Variants in NECAB1 observed in about 807,000 individuals in gnomAD.
NECAB1 encodes the protein N-terminal EF-hand calcium binding protein 1.
In NECAB1, 29 loss-of-function variants were observed where a neutral mutation model predicts 57.5. The ratio of observed to expected loss-of-function variants is 0.50; its 90% CI spans 0.38 to 0.69. The LOEUF (loss-of-function observed/expected upper bound fraction) is 0.69, where lower values mean the gene tolerates loss of function less well. NECAB1 is among the 30% of genes least tolerant of loss of function. The probability of loss-of-function intolerance (pLI) is 0.00; values close to 1 mark genes in which losing one functional copy is unlikely to be tolerated. For synonymous variants in NECAB1, 142 were observed against 147.7 expected (o/e 0.96, Z 0.28); for missense variants, 372 against 413.8 (o/e 0.90, Z 0.88).
intron 3 of NECAB1, among the ~76,000 whole-genome samples, chr8:90,837,157 C>T (rs1812382266): frequency 6.6e-6 from 1 of 152,188 alleles, no homozygotes; most frequent in African/African-American, 2.4e-5. Context: ...GGGTAATGTG[C>T]TGATCGCAGG....
In NECAB1 at chr8:90,955,617, T is replaced by C; in HGVS notation, c.*105T>C. On this transcript the variant is annotated 3_prime_UTR_variant, in exon 13 of 13. Coordinates refer to ENST00000417640, the MANE Select transcript of NECAB1 (RefSeq NM_022351.5). The stretch of plus-strand genomic sequence containing the variant: ...CGGTTGTTAATCTACTGTATATTTT[T>C]GTTTGGTATATTTACTAAGTGCACT... 1 of 843,192 alleles carries C rather than the reference T, an allele frequency of 1.2e-6. No individual in the cohort carries two copies. The allele number at this position is 843,192 out of a possible 1,614,324, so 52.2% of individuals were successfully genotyped here. A position where few individuals can be genotyped will look rare whatever the true frequency, so the allele number is the denominator to read the frequency against.
At chr8:90,805,005 G>A (rs142925164) in intron 2 of NECAB1, among the ~76,000 whole-genome samples, 3 of 152,304 alleles carry the variant, frequency 2.0e-5, no homozygotes, top group Admixed American at 2.0e-4. Context: ...GCTACTGAAA[G>A]CTTGAGCTGT....
intron 3 of NECAB1, among the ~76,000 whole-genome samples, chr8:90,851,154 G>A (rs780920290): frequency 7.9e-5 from 12 of 152,302 alleles, no homozygotes; most frequent in Middle Eastern, 3.4e-3. Context: ...TGGTATACCC[G>A]AAGAGGGCAT....
intron 9 of NECAB1, among the ~76,000 whole-genome samples, chr8:90,937,377 C>T (rs142856041): frequency 4.5e-4 from 69 of 152,196 alleles, no homozygotes; most frequent in Middle Eastern, 3.4e-3. Context: ...TACAGATTTG[C>T]ACAGTAAGGG....
At chr8:90,898,585 CT>C (rs1039733669) in intron 5 of NECAB1, among the ~76,000 whole-genome samples, 8 of 152,170 alleles carry the variant, frequency 5.3e-5, no homozygotes, top group Admixed American at 2.0e-4. Flanking sequence ...TCCAATACCC[CT>C]GTCTTCTTCT....
intron 5 of NECAB1, among the ~76,000 whole-genome samples, chr8:90,895,770 G>A (rs1277207312): frequency 6.6e-6 from 1 of 152,220 alleles, no homozygotes; most frequent in Non-Finnish European, 1.5e-5. Flanking sequence ...GTGCTGAGTG[G>A]AACTGGCCTG....
In NECAB1 at chr8:90,928,255, C is replaced by T. The variant is rs1385122851; in HGVS notation, c.649C>T (p.Gln217Ter). Residue 217 changes from glutamine to a stop codon, truncating the protein, a stop_gained, in exon 8 of 13, where the codon CAG becomes TAG. Transcript: ENST00000417640. LOFTEE classifies it high-confidence loss of function. Reference protein sequence around the residue: ...LLEEDNQWMTQINRLQKLIDR... With the variant: ...LLEEDNQWMT The stretch of plus-strand genomic sequence containing the variant: ...AGAAGAAGACAACCAGTGGATGACC[C>T]AGATAAATAGACTCCAGAAATTAAT... 6.2e-7 allele frequency: 1 copy of T among 1,609,852 alleles called. No individual in the cohort carries two copies.
chr8:90,893,927 C>T (rs1272055908), intron 5 of NECAB1, among the ~76,000 whole-genome samples: 1 of 151,800 alleles, frequency 6.6e-6, no homozygotes, highest in African/African-American at 2.4e-5. Flanking sequence ...GTTGAATTTG[C>T]CTTTTAAATG....
intron 3 of NECAB1, among the ~76,000 whole-genome samples, chr8:90,851,001 G>T (rs1214208084): frequency 6.6e-6 from 1 of 152,154 alleles, no homozygotes; most frequent in East Asian, 1.9e-4. Flanking sequence ...CCTCCAGGGA[G>T]GATAGAGGGG....
At chr8:90,906,876 C>CATATATATATAT (rs57808023) in intron 5 of NECAB1, among the ~76,000 whole-genome samples, 73 of 121,726 alleles carry the variant, frequency 6.0e-4, no homozygotes, top group South Asian at 1.1e-3. Context: ...ATGATATACA[C>CATATATATATAT]ATATATATAT....
At chr8:90,955,147 T>TATATATATATAA (rs1343129307) in intron 12 of NECAB1, among the ~76,000 whole-genome samples, 1 of 134,920 alleles carries the variant, frequency 7.4e-6, no homozygotes, top group Admixed American at 7.5e-5. Context: ...TATATATATA[T>TATATATATATAA]ATGGCCTAAC....
At position 90,957,526 on chromosome 8, in the gene NECAB1, T is replaced by C. The variant is rs1326924247; in HGVS notation, c.*2014T>C. 6.6e-6 allele frequency: 1 copy of C among 151,758 alleles called. No individual in the cohort carries two copies. The highest frequency in any genetic ancestry group is 1.5e-5 in the Non-Finnish European group (1 of 67,802). The allele number at this position is 151,758 out of a possible 1,614,324, so 9.4% of individuals were successfully genotyped here. A position where few individuals can be genotyped will look rare whatever the true frequency, so the allele number is the denominator to read the frequency against. On this transcript the variant is annotated 3_prime_UTR_variant, in exon 13 of 13. Transcript: ENST00000417640. ...AACAAAGCAAACCAATATAATTATA[T>C]GGTCATTCTGACCCCAGCTCTTATA...
At chr8:90,855,326 A>T (rs1563506741) in intron 3 of NECAB1, among the ~76,000 whole-genome samples, 1 of 152,208 alleles carries the variant, frequency 6.6e-6, no homozygotes, top group South Asian at 2.1e-4. Context: ...TGGGATGACA[A>T]ATAGAAACAG....
chr8:90,820,604 T>C (rs1812128246), intron 2 of NECAB1, among the ~76,000 whole-genome samples: 1 of 151,698 alleles, frequency 6.6e-6, no homozygotes, highest in African/African-American at 2.4e-5. Flanking sequence ...GGGGCAATAC[T>C]CAGATCAGAG....
At chr8:90,951,055 G>T in intron 11 of NECAB1, 58 bp from the exon 12 acceptor site, 1 of 1,070,150 alleles carries the variant, frequency 9.3e-7, no homozygotes, top group Non-Finnish European at 1.4e-6. Flanking sequence ...GATCTCTGCT[G>T]TACTTGGGAA....
chr8:90,874,455 C>T (rs191741491), intron 4 of NECAB1, among the ~76,000 whole-genome samples: 94 of 152,266 alleles, frequency 6.2e-4, no homozygotes, highest in African/African-American at 2.2e-3. Flanking sequence ...ATTATGTAGG[C>T]GTATAAGCTA....
At chr8:90,806,044 G>A (rs557938685) in intron 2 of NECAB1, among the ~76,000 whole-genome samples, 5 of 152,302 alleles carry the variant, frequency 3.3e-5, no homozygotes, top group African/African-American at 9.6e-5. Context: ...TTGTTTTTGT[G>A]TGGGGTGGGG....
intron 3 of NECAB1, among the ~76,000 whole-genome samples, chr8:90,856,620 A>T (rs1354519): frequency 0.47 from 71,120 of 152,094 alleles, 20,152 homozygotes; most frequent in East Asian, 0.77. Flanking sequence ...CCACTCATGA[A>T]TTTTATTTGG....
chr8:90,838,188 T>C (rs1408043586), intron 3 of NECAB1, among the ~76,000 whole-genome samples: 2 of 152,196 alleles, frequency 1.3e-5, no homozygotes, highest in Non-Finnish European at 2.9e-5. Flanking sequence ...CAGTAAGTCT[T>C]CACTTTACAT....
Sources: gnomAD v4.1 joint callset for allele counts (sites outside exome capture counted in the v4.1 genomes callset) on GRCh38, gnomAD v4.1.1 for gene constraint, MANE v1.5 for transcripts, NCBI Gene and HGNC (gene_info 2026-07-23, HGNC 2026-07-21) for gene names.